The following LDHB variants were observed in gnomAD, a reference collection of about 807,000 sequenced individuals.
The protein encoded by LDHB is L-lactate dehydrogenase B chain.
LDHB carries 18 observed loss-of-function variants against 33.4 expected under a neutral mutation model. That is an observed-to-expected ratio of 0.54 (90% confidence interval 0.37 to 0.80). LDHB has a LOEUF of 0.80. Ranked by LOEUF, LDHB falls within the 30% of genes least tolerant of loss-of-function variation. The pLI, the probability that LDHB is intolerant of heterozygous loss-of-function variation, is 0.00. For synonymous variants in LDHB, 121 were observed against 140.6 expected (o/e 0.86, Z 0.98); for missense variants, 345 against 407.9 (o/e 0.85, Z 1.33).
In LDHB at chr12:21,638,342, C is replaced by T; in HGVS notation, c.713+11G>A. The T allele has an allele frequency of 1.4e-6, 2 of 1,409,136 alleles. No individual in the cohort carries two copies. Among genetic ancestry groups the T allele is most frequent in the Non-Finnish European group, 2.0e-6 (2 of 993,944 alleles). The allele number at this position is 1,409,136 out of a possible 1,614,324, so 87.3% of individuals were successfully genotyped here. ...AATTAATCATCTAAAATCAAGTTCC[C>T]TTTCACTTACCTTTCAACCACCATC... On this transcript the variant is annotated intron_variant, in intron 6 of 7. Transcript: ENST00000350669.
intron 5 of LDHB, among the ~76,000 whole-genome samples, chr12:21,640,156 T>TA (rs146867981): frequency 0.94 from 142,490 of 151,080 alleles, 67,685 homozygotes; most frequent in Non-Finnish European, 1. Context: ...ATTTTATTAT[T>TA]TTTTTTTGCC....
chr12:21,636,773 C>T (rs1938229382), intron 7 of LDHB, among the ~76,000 whole-genome samples: 1 of 152,044 alleles, frequency 6.6e-6, no homozygotes, highest in Admixed American at 6.6e-5. Context: ...AAATGAAACT[C>T]TATTACACTT....
chr12:21,646,646 G>C (rs1393643482), intron 3 of LDHB, among the ~76,000 whole-genome samples: 2 of 152,276 alleles, frequency 1.3e-5, no homozygotes, highest in African/African-American at 4.8e-5. Context: ...GTAGAATACA[G>C]TAGAGAAGTA....
At chr12:21,650,139 CACACACACACACG>C (rs1938644079) in intron 2 of LDHB, among the ~76,000 whole-genome samples, 1 of 147,242 alleles carries the variant, frequency 6.8e-6, no homozygotes, top group African/African-American at 2.6e-5. Flanking sequence ...CACACACACA[CACACACACACACG>C]TCTCTCTCTC....
rs1401210671 is a variant in LDHB, at chr12:21,641,945, T to C, written c.595+7A>G. 1.9e-6 allele frequency: 3 copies of C among 1,605,016 alleles called. No individual in the cohort carries two copies. The highest frequency in any genetic ancestry group is 3.4e-5 in the Admixed American group (2 of 58,926). On this transcript the variant is annotated splice_region_variant and intron_variant, in intron 5 of 7. Coordinates refer to ENST00000350669, the MANE Select transcript of LDHB (RefSeq NM_002300.8). Reference sequence around the variant, plus strand: ...CACAAGTAATTATTTCTTTTTTTTTTCTTTACCACTTGAGTCGCCATGTTC... The same window carrying C: ...CACAAGTAATTATTTCTTTTTTTTTCCTTTACCACTTGAGTCGCCATGTTC...
intron 4 of LDHB, among the ~76,000 whole-genome samples, chr12:21,642,543 C>T (rs539210326): frequency 2.6e-5 from 4 of 152,254 alleles, no homozygotes; most frequent in Non-Finnish European, 5.9e-5. Flanking sequence ...GATTACTAAA[C>T]TACCAAATCT....
At chr12:21,646,848 T>C (rs369758999) in intron 3 of LDHB, 51 bp downstream of exon 3, 3 of 1,043,624 alleles carry the variant, frequency 2.9e-6, no homozygotes, top group African/African-American at 3.1e-5. Flanking sequence ...CAAATGTGTT[T>C]TGGGGCCATG....
At chr12:21,643,569 C>A in intron 4 of LDHB, 2 of 219,034 alleles carry the variant, frequency 9.1e-6, no homozygotes, top group South Asian at 7.9e-5. Context: ...TGGGATTTTC[C>A]AGAAAATAAA....
In LDHB at chr12:21,642,838, A is replaced by T. The variant is rs114899517; in HGVS notation, c.422-713T>A. Among the ~76,000 whole-genome samples the T allele has an allele frequency of 6.7e-3, 1,016 of 152,312 alleles. 9 individuals carry two copies. The highest frequency in any genetic ancestry group is 0.023 in the African/African-American group (959 of 41,564). ...CCACACTAATCTGTAGACAATGGCTAAGATAATTCAAGGACATTTGGGACT... is the reference window on the plus strand; with the variant it reads ...CCACACTAATCTGTAGACAATGGCTTAGATAATTCAAGGACATTTGGGACT... On this transcript the variant is annotated intron_variant, in intron 4 of 7. Transcript: ENST00000350669.
rs368159310 is a variant in LDHB, at chr12:21,635,653, G to T, written c.894C>A (p.Ala298=). 2 of 1,613,510 alleles carry T rather than the reference G, an allele frequency of 1.2e-6. No individual in the cohort carries two copies. Among genetic ancestry groups the T allele is most frequent in the Admixed American group, 3.3e-5 (2 of 59,970 alleles). ...VFLSLPCILN[A]RGLTSVINQK... ...GGTTGATAACGCTGGTTAATCCCCG[G>T]GCATTGAGGATACATGGAAGGCTCA... Residue 298 remains alanine, a synonymous_variant, in exon 8 of 8, where the codon GCC becomes GCA. Coordinates refer to ENST00000350669, the MANE Select transcript of LDHB (RefSeq NM_002300.8).
At chr12:21,641,768 G>C (rs1938374520) in intron 5 of LDHB, among the ~76,000 whole-genome samples, 184 bp downstream of exon 5, 1 of 151,970 alleles carries the variant, frequency 6.6e-6, no homozygotes, top group African/African-American at 2.4e-5. Flanking sequence ...ATAGATGATA[G>C]GTAGATAGAG....
chr12:21,639,413 T>G (rs1006636554), intron 5 of LDHB, among the ~76,000 whole-genome samples: 11 of 151,990 alleles, frequency 7.2e-5, no homozygotes, highest in African/African-American at 2.7e-4. Flanking sequence ...AGTTCTTCAA[T>G]AGCTACTTCA....
chr12:21,656,283 C>T (rs753608230), intron 1 of LDHB, among the ~76,000 whole-genome samples: 4 of 152,116 alleles, frequency 2.6e-5, no homozygotes, highest in Non-Finnish European at 4.4e-5. Flanking sequence ...GAGATTCTTT[C>T]GCCTTTACAG....
At position 21,656,402 on chromosome 12, in the gene LDHB, C is replaced by A. The variant is rs12368587; in HGVS notation, c.-7+1349G>T. 6.4e-3 allele frequency among the ~76,000 whole-genome samples: 970 copies of A among 152,280 alleles called. 9 individuals carry two copies. Among genetic ancestry groups the A allele is most frequent in the Non-Finnish European group, 0.01 (683 of 68,010 alleles). ...ATGAAATAAATTCAGACATGGCCTGCATTTTAAACAGGCTCAGAAGAAAGA... is the reference window on the plus strand; with the variant it reads ...ATGAAATAAATTCAGACATGGCCTGAATTTTAAACAGGCTCAGAAGAAAGA... On this transcript the variant is annotated intron_variant, in intron 1 of 7. Transcript: ENST00000350669.
At chr12:21,645,508 A>T (rs1215363205) in intron 3 of LDHB, among the ~76,000 whole-genome samples, 1 of 152,190 alleles carries the variant, frequency 6.6e-6, no homozygotes, top group Non-Finnish European at 1.5e-5. Context: ...ACCCGATTGT[A>T]TATTCCATCT....
At chr12:21,645,163 T>A (rs1464862527) in intron 3 of LDHB, among the ~76,000 whole-genome samples, 1 of 152,162 alleles carries the variant, frequency 6.6e-6, no homozygotes, top group Non-Finnish European at 1.5e-5. Flanking sequence ...GTTAAACAAA[T>A]GCTTGAAGGC....
In LDHB at chr12:21,657,788, G is replaced by C. The variant is rs1205780613; in HGVS notation, c.-44C>G. ...GGCTCTGGAGACCTCTGTAACAGTC[G>C]TGCGGAGAAGACAAAGTCAGCTGCG... On this transcript the variant is annotated 5_prime_UTR_variant, in exon 1 of 8. Coordinates refer to ENST00000350669, the MANE Select transcript of LDHB (RefSeq NM_002300.8). 1.3e-5 allele frequency: 2 copies of C among 152,366 alleles called. No homozygotes were observed. The highest frequency in any genetic ancestry group is 2.9e-5 in the Non-Finnish European group (2 of 68,142). The allele number at this position is 152,366 out of a possible 1,614,324, so 9.4% of individuals were successfully genotyped here.
intron 2 of LDHB, among the ~76,000 whole-genome samples, chr12:21,647,408 G>T (rs1282540613): frequency 6.6e-6 from 1 of 152,054 alleles, no homozygotes; most frequent in Admixed American, 6.6e-5. Flanking sequence ...CCAGGAGTGT[G>T]AGTTTACTTT....
intron 4 of LDHB, among the ~76,000 whole-genome samples, chr12:21,642,396 ATATT>A: frequency 6.6e-6 from 1 of 152,210 alleles, no homozygotes; most frequent in Non-Finnish European, 1.5e-5. Flanking sequence ...TGAAACAAGA[ATATT>A]TAAGAACCTT....
Sources: allele counts gnomAD v4.1 joint callset (sites outside exome capture counted in the v4.1 genomes callset), GRCh38; gene constraint gnomAD v4.1.1; transcripts MANE v1.5; gene names NCBI Gene and HGNC (gene_info 2026-07-23, HGNC 2026-07-21).